NEK10: variants seen among roughly 807,000 people sequenced by gnomAD.
NEK10 encodes the protein serine/threonine-protein kinase Nek10.
A neutral mutation model predicts 159.8 loss-of-function variants in NEK10; 122 were observed. The observed-to-expected ratio is 0.76, with a 90% CI of 0.66 to 0.89. The LOEUF is 0.89. NEK10 is among the 40% of genes least tolerant of loss of function. The pLI, the probability that NEK10 is intolerant of heterozygous loss-of-function variation, is 0.00. For synonymous variants in NEK10, 466 were observed against 457.1 expected (o/e 1.02, Z -0.25); for missense variants, 1,342 against 1,323.1 (o/e 1.01, Z -0.22).
At chr3:27,247,766 C>T (rs1367315603) in intron 23 of NEK10, among the ~76,000 whole-genome samples, 1 of 151,414 alleles carries the variant, frequency 6.6e-6, no homozygotes, top group Non-Finnish European at 1.5e-5. Context: ...TAAACTCCTG[C>T]ACTCAAGCAA....
chr3:27,111,195 G>A lies in NEK10; in HGVS notation c.*77C>T. 7.3e-7 allele frequency: 1 copy of A among 1,371,702 alleles called. No homozygotes were observed. The highest frequency in any genetic ancestry group is 1.2e-5 in the South Asian group (1 of 82,916). The allele number at this position is 1,371,702 out of a possible 1,614,324, so 85.0% of individuals were successfully genotyped here. On this transcript the variant is annotated 3_prime_UTR_variant, in exon 36 of 36. Coordinates refer to ENST00000691995, the MANE Select transcript of NEK10 (RefSeq NM_001394966.1). ...ACCCTCTAGCAGCACCCAATCCTTG[G>A]GCATCTTGCAATAGCGGCTGAAGTC... is the stretch of plus-strand genomic sequence containing the variant.
chr3:27,249,858 T>G (rs1955474272), intron 23 of NEK10, among the ~76,000 whole-genome samples: 1 of 152,236 alleles, frequency 6.6e-6, no homozygotes, highest in South Asian at 2.1e-4. Context: ...ATGATTTAAT[T>G]TATTACTTTT....
chr3:27,199,088 CA>C (rs1949815750), intron 25 of NEK10, among the ~76,000 whole-genome samples: 3 of 91,430 alleles, frequency 3.3e-5, no homozygotes, highest in Admixed American at 1.3e-4. Context: ...AAAAAAAAAA[CA>C]AAAAAAGACA....
At chr3:27,162,425 G>T in intron 30 of NEK10, 2 of 1,604,014 alleles carry the variant, frequency 1.2e-6, no homozygotes, top group Non-Finnish European at 1.7e-6. Flanking sequence ...TTTGCCCATT[G>T]TGTGCTTAAC....
intron 13 of NEK10, among the ~76,000 whole-genome samples, chr3:27,297,987 G>A (rs2043489088): frequency 6.6e-6 from 1 of 152,148 alleles, no homozygotes. Context: ...TTGATACCAT[G>A]ATTATCATCA....
intron 22 of NEK10, among the ~76,000 whole-genome samples, chr3:27,271,587 T>G (rs548519367): frequency 6.6e-6 from 1 of 152,176 alleles, no homozygotes; most frequent in Non-Finnish European, 1.5e-5. Context: ...CCAGTTAATT[T>G]AGATAATAGC....
At chr3:27,250,211 G>A (rs1038334555) in intron 23 of NEK10, among the ~76,000 whole-genome samples, 2 of 150,064 alleles carry the variant, frequency 1.3e-5, no homozygotes, top group African/African-American at 4.9e-5. Context: ...TTTTGAGATG[G>A]AGTCTCTCTC....
intron 13 of NEK10, among the ~76,000 whole-genome samples, chr3:27,300,402 G>A (rs2149531767): frequency 6.6e-6 from 1 of 152,248 alleles, no homozygotes; most frequent in African/African-American, 2.4e-5. Flanking sequence ...CCCCAACCAT[G>A]TGGAACTGTA....
Position 27,347,502 on chromosome 3 carries a change from CAAAAAAAAAAAA to C in NEK10, c.133-1298_133-1287del, listed in dbSNP as rs35966643. ...GGGCAACAAGAGTGAAACTCCGTCT[CAAAAAAAAAAAA>C]AAAAAAAAAAAAAAAGACATCATTT... is the stretch of plus-strand genomic sequence containing the variant. On this transcript the variant is annotated intron_variant, in intron 3 of 35. Transcript: ENST00000691995. 2.4e-3 allele frequency among the ~76,000 whole-genome samples: 153 copies of C among 63,466 alleles called. 1 individual carries two copies. The highest frequency in any genetic ancestry group is 4.1e-3 in the Admixed American group (15 of 3,652). 41.6% of individuals were successfully genotyped at this position (63,466 alleles called of 152,430 possible).
chr3:27,331,246 AAAAAC>A lies in NEK10; in HGVS notation c.363-8990_363-8986del, dbSNP rs1277155952. Among the ~76,000 whole-genome samples the A allele has an allele frequency of 2.8e-4, 36 of 128,060 alleles. 4 individuals are homozygous for A. The highest frequency in any genetic ancestry group is 2.3e-3 in the South Asian group (8 of 3,440). The allele number at this position is 128,060 out of a possible 152,430, so 84.0% of individuals were successfully genotyped here. On this transcript the variant is annotated intron_variant, in intron 5 of 35. Coordinates refer to ENST00000691995, the MANE Select transcript of NEK10 (RefSeq NM_001394966.1). ...AAGTAAGACTCTGTCTCAAAAAAAA[AAAAAC>A]AAAAAAAAAAAACACACAAACCTAA...
At chr3:27,217,418 G>A (rs1446116237) in intron 23 of NEK10, among the ~76,000 whole-genome samples, 4 of 152,120 alleles carry the variant, frequency 2.6e-5, no homozygotes, top group Non-Finnish European at 4.4e-5. Context: ...AGGCATCTTC[G>A]CATGGCCAGA....
chr3:27,210,010 G>C (rs1172242042), intron 23 of NEK10, among the ~76,000 whole-genome samples: 1 of 147,970 alleles, frequency 6.8e-6, no homozygotes. Context: ...ATGAGAGGGA[G>C]AGTATGACAC....
At chr3:27,266,934 T>C (rs1359863274) in intron 22 of NEK10, among the ~76,000 whole-genome samples, 1 of 152,204 alleles carries the variant, frequency 6.6e-6, no homozygotes, top group African/African-American at 2.4e-5. Flanking sequence ...TCCAGCTTCC[T>C]GGCAAGTTTT....
At chr3:27,210,545 CA>C (rs1172625757) in intron 23 of NEK10, among the ~76,000 whole-genome samples, 1 of 152,184 alleles carries the variant, frequency 6.6e-6, no homozygotes, top group Non-Finnish European at 1.5e-5. Context: ...CTTCACTAGC[CA>C]GGCCTTTTCT....
rs1046654487 is a variant in NEK10, at chr3:27,308,974, G to A, written c.668C>T (p.Thr223Ile). 4 of 1,598,868 alleles carry A rather than the reference G, an allele frequency of 2.5e-6. No individual in the cohort carries two copies. The African/African-American group carries it at 5.4e-5, about 21-fold the overall frequency. Reference sequence around the variant, plus strand: ...CAGAAGGGAACCCAATAGAACATTAGTATCTCGGGCACCAAGTAAATTTAC... The same window carrying A: ...CAGAAGGGAACCCAATAGAACATTAATATCTCGGGCACCAAGTAAATTTAC... ...TLVNLLGARD[T>I]NVLLGSLLAL... is the part of the protein sequence containing the mutation. The change falls in exon 10 of 36, where the codon ACT (threonine) becomes ATT (isoleucine). Residue 223 changes from threonine (T) to isoleucine (I), a missense_variant. Transcript: ENST00000691995.
intron 1 of NEK10, among the ~76,000 whole-genome samples, chr3:27,354,913 A>G (rs968479955): frequency 6.6e-6 from 1 of 152,178 alleles, no homozygotes; most frequent in East Asian, 1.9e-4. Context: ...CTCTTGTGGT[A>G]GTGACTCCAA....
intron 3 of NEK10, among the ~76,000 whole-genome samples, chr3:27,348,280 C>T (rs1301051413): frequency 6.6e-6 from 1 of 152,080 alleles, no homozygotes; most frequent in South Asian, 2.1e-4. Flanking sequence ...AGAAATTAGC[C>T]AGCACAGAGA....
At chr3:27,247,790 T>C (rs1177740823) in intron 23 of NEK10, among the ~76,000 whole-genome samples, 2 of 151,448 alleles carry the variant, frequency 1.3e-5, no homozygotes, top group African/African-American at 2.4e-5. Context: ...TGGCCTGCAG[T>C]TTTCTTTTAA....
At chr3:27,164,512 A>C (rs1013673) in intron 29 of NEK10, among the ~76,000 whole-genome samples, 57,266 of 152,238 alleles carry the variant, frequency 0.38, 12,633 homozygotes, top group East Asian at 0.75. Context: ...AAAATATCCA[A>C]AATATTATTT....
Sources: gnomAD v4.1 joint callset for allele counts (sites outside exome capture counted in the v4.1 genomes callset) on GRCh38, gnomAD v4.1.1 for gene constraint, MANE v1.5 for transcripts, NCBI Gene and HGNC (gene_info 2026-07-23, HGNC 2026-07-21) for gene names.